Variants in PTPRD observed in about 807,000 individuals in gnomAD.
The protein encoded by PTPRD is protein tyrosine phosphatase receptor type D.
Under a neutral mutation model 214.5 loss-of-function variants are expected in PTPRD, and 34 were observed. The observed-to-expected ratio is 0.16, with a 90% CI of 0.12 to 0.21. The LOEUF (loss-of-function observed/expected upper bound fraction) is 0.21, where lower values mean the gene tolerates loss of function less well. PTPRD is among the 10% of genes least tolerant of loss of function. The pLI is 1.00. For synonymous variants in PTPRD, 1,128 were observed against 845.7 expected (o/e 1.33, Z -5.79); for missense variants, 2,545 against 2,398.7 (o/e 1.06, Z -1.27).
At chr9:9,639,339 G>A (rs773993200) in intron 7 of PTPRD, among the ~76,000 whole-genome samples, 48 of 152,058 alleles carry the variant, frequency 3.2e-4, no homozygotes, top group African/African-American at 7.2e-4. Flanking sequence ...CTGAGTGAAC[G>A]GACAGATGAA....
At chr9:10,030,520 C>T (rs1411257659) in intron 4 of PTPRD, among the ~76,000 whole-genome samples, 3 of 152,004 alleles carry the variant, frequency 2.0e-5, no homozygotes, top group Admixed American at 2.0e-4. Flanking sequence ...TGAGTTCTAT[C>T]ATGAAAGCTA....
chr9:10,097,322 G>A (rs832255), intron 3 of PTPRD, among the ~76,000 whole-genome samples: 2 of 98,664 alleles, frequency 2.0e-5, no homozygotes, highest in African/African-American at 4.6e-5. Flanking sequence ...TATAAATTAC[G>A]TTGGGCAGTA....
intron 3 of PTPRD, among the ~76,000 whole-genome samples, chr9:10,038,862 T>A (rs1242256688): frequency 2.0e-5 from 3 of 152,028 alleles, no homozygotes; most frequent in Non-Finnish European, 4.4e-5. Flanking sequence ...CTGACCTTGG[T>A]TTATATCCTC....
intron 3 of PTPRD, among the ~76,000 whole-genome samples, chr9:10,146,256 C>T (rs1245112994): frequency 6.6e-6 from 1 of 151,598 alleles, no homozygotes; most frequent in Non-Finnish European, 1.5e-5. Flanking sequence ...TACATACATA[C>T]ATATATACAT....
chr9:8,436,563 T>C (rs200404190), intron 35 of PTPRD, 29 bp downstream of exon 35: 1 of 1,521,638 alleles, frequency 6.6e-7, no homozygotes, highest in Non-Finnish European at 9.1e-7. Context: ...CTCTTGAAAT[T>C]ACTGTAAAGA....
chr9:10,506,640 A>G (rs148124999), intron 2 of PTPRD, among the ~76,000 whole-genome samples: 1 of 152,098 alleles, frequency 6.6e-6, no homozygotes, highest in Non-Finnish European at 1.5e-5. Context: ...AAATTATATT[A>G]TTGTTGCTCC....
At chr9:9,060,204 G>GA (rs1328165541) in intron 10 of PTPRD, among the ~76,000 whole-genome samples, 1 of 152,130 alleles carries the variant, frequency 6.6e-6, no homozygotes, top group African/African-American at 2.4e-5. Flanking sequence ...TTACGCATAG[G>GA]AAAAATGACC....
At chr9:9,614,371 C>A (rs1394552286) in intron 7 of PTPRD, among the ~76,000 whole-genome samples, 1 of 152,026 alleles carries the variant, frequency 6.6e-6, no homozygotes, top group Non-Finnish European at 1.5e-5. Flanking sequence ...AGTAATTTTT[C>A]TTTTATTATT....
At chr9:8,821,360 C>G (rs1429420858) in intron 11 of PTPRD, among the ~76,000 whole-genome samples, 33 of 152,146 alleles carry the variant, frequency 2.2e-4, no homozygotes, top group Admixed American at 1.2e-3. Context: ...CTCCTGTTAC[C>G]TGCTGTGCTG....
At chr9:9,324,024 C>CT (rs1299710207) in intron 9 of PTPRD, among the ~76,000 whole-genome samples, 2 of 152,100 alleles carry the variant, frequency 1.3e-5, no homozygotes, top group Non-Finnish European at 2.9e-5. Flanking sequence ...TGAGCTCATC[C>CT]TTTTTTATGG....
At chr9:9,262,883 C>T (rs1239179722) in intron 9 of PTPRD, among the ~76,000 whole-genome samples, 1 of 151,562 alleles carries the variant, frequency 6.6e-6, no homozygotes, top group East Asian at 2.0e-4. Context: ...GTTGTGTTGA[C>T]TCTGCTTTCA....
chr9:9,692,296 T>C (rs1341197717), intron 7 of PTPRD, among the ~76,000 whole-genome samples: 3 of 152,006 alleles, frequency 2.0e-5, no homozygotes, highest in Non-Finnish European at 4.4e-5. Flanking sequence ...TTTAATTTGA[T>C]TGGTGTATAA....
chr9:9,879,933 A>G (rs755242538), intron 5 of PTPRD, among the ~76,000 whole-genome samples: 1 of 152,140 alleles, frequency 6.6e-6, no homozygotes, highest in Non-Finnish European at 1.5e-5. Flanking sequence ...GCTGTCTATA[A>G]ACTTTATGCC....
chr9:9,425,722 T>G lies in PTPRD; in HGVS notation c.-236-28240A>C, dbSNP rs1042410443. ...GATATAGTTTTGAGCAAAGGTAGCT[T>G]CTTGAGATATTTCTGCATACAGATT... is the stretch of plus-strand genomic sequence containing the variant. On this transcript the variant is annotated intron_variant, in intron 8 of 45. Transcript: ENST00000381196. 5.3e-4 allele frequency among the ~76,000 whole-genome samples: 81 copies of G among 152,142 alleles called. 1 individual carries two copies. Among genetic ancestry groups the G allele is most frequent in the African/African-American group, 1.8e-3 (75 of 41,548 alleles).
chr9:8,639,537 T>C (rs1408183915), intron 12 of PTPRD, among the ~76,000 whole-genome samples: 1 of 152,202 alleles, frequency 6.6e-6, no homozygotes, highest in East Asian at 1.9e-4. Flanking sequence ...TGAAGGGCTG[T>C]TGCATAAAAT....
intron 9 of PTPRD, among the ~76,000 whole-genome samples, chr9:9,382,041 C>T (rs1435933670): frequency 6.6e-6 from 1 of 152,082 alleles, no homozygotes; most frequent in Non-Finnish European, 1.5e-5. Flanking sequence ...ATTTGTGTCT[C>T]TTTACATTTC....
At chr9:10,165,770 C>A (rs1208054485) in intron 3 of PTPRD, among the ~76,000 whole-genome samples, 1 of 150,948 alleles carries the variant, frequency 6.6e-6, no homozygotes, top group Non-Finnish European at 1.5e-5. Context: ...GAAGTATTTT[C>A]TCTTAAAAAA....
At chr9:8,810,930 G>C (rs1016746666) in intron 11 of PTPRD, among the ~76,000 whole-genome samples, 1 of 152,116 alleles carries the variant, frequency 6.6e-6, no homozygotes, top group South Asian at 2.1e-4. Context: ...CGTCCTAGGG[G>C]CATTAATTCC....
At chr9:8,752,281 C>T (rs925417500) in intron 11 of PTPRD, among the ~76,000 whole-genome samples, 35 of 152,114 alleles carry the variant, frequency 2.3e-4, no homozygotes, top group African/African-American at 8.5e-4. Flanking sequence ...CCCACCAAAA[C>T]CAAGATGGCC....
Sources: allele counts gnomAD v4.1 joint callset (sites outside exome capture counted in the v4.1 genomes callset), GRCh38; gene constraint gnomAD v4.1.1; transcripts MANE v1.5; gene names NCBI Gene and HGNC (gene_info 2026-07-23, HGNC 2026-07-21).